The following SYNE2 variants were observed in gnomAD, a reference collection of about 807,000 sequenced individuals.
SYNE2 encodes the protein nesprin-2.
In SYNE2, 431 loss-of-function variants were observed where a neutral mutation model predicts 856.3. The observed-to-expected ratio is 0.50, with a 90% CI of 0.47 to 0.55. The LOEUF (loss-of-function observed/expected upper bound fraction) is 0.55. Ranked by LOEUF, SYNE2 falls within the 20% of genes least tolerant of loss-of-function variation. SYNE2 has a pLI of 0.00. For synonymous variants in SYNE2, 2,923 were observed against 2,872.3 expected (o/e 1.02, Z -0.56); for missense variants, 8,129 against 8,023.2 (o/e 1.01, Z -0.50).
chr14:64,074,261 C>G, intron 53 of SYNE2, 125 bp downstream of exon 53: 1 of 936,684 alleles, frequency 1.1e-6, no homozygotes, highest in Non-Finnish European at 1.7e-6. Flanking sequence ...GAGAGAGAGG[C>G]ATAGGCAAAG....
intron 99 of SYNE2, among the ~76,000 whole-genome samples, chr14:64,199,470 C>T (rs1489779874): frequency 1.3e-5 from 2 of 152,110 alleles, no homozygotes; most frequent in African/African-American, 4.8e-5. Flanking sequence ...GTAATCCTAG[C>T]GCTTTGGGAG....
intron 1 of SYNE2, among the ~76,000 whole-genome samples, chr14:63,879,713 A>G (rs1184534706): frequency 6.6e-6 from 1 of 152,254 alleles, no homozygotes; most frequent in African/African-American, 2.4e-5. Flanking sequence ...TAAATAAGCA[A>G]CAGAGGACAA....
intron 1 of SYNE2, among the ~76,000 whole-genome samples, chr14:63,830,027 A>T (rs550492164): frequency 6.6e-6 from 1 of 152,174 alleles, no homozygotes; most frequent in African/African-American, 2.4e-5. Flanking sequence ...TCTATACGGG[A>T]TATTATTTGG....
chr14:64,172,999 CTA>C (rs1209578563), intron 94 of SYNE2, among the ~76,000 whole-genome samples: 6 of 151,892 alleles, frequency 4.0e-5, no homozygotes, highest in African/African-American at 1.5e-4. Flanking sequence ...TTGAAAGAGC[CTA>C]TTTGGGTGTG....
At chr14:63,841,832 C>CTTTTTTTTTTTTTTTTTTTTTTTTTTT (rs34947861) in intron 1 of SYNE2, among the ~76,000 whole-genome samples, 16 of 115,048 alleles carry the variant, frequency 1.4e-4, no homozygotes, top group Admixed American at 2.1e-4. Flanking sequence ...TTCTTTCTTT[C>CTTTTTTTTTTTTTTTTTTTTTTTTTTT]TTTTTTTTTT....
At chr14:63,962,940 AG>A (rs1477292641) in intron 9 of SYNE2, among the ~76,000 whole-genome samples, 1 of 152,244 alleles carries the variant, frequency 6.6e-6, no homozygotes, top group Non-Finnish European at 1.5e-5. Context: ...AAAATTGCTG[AG>A]CTGAAAAGAA....
chr14:63,966,580 A>T (rs2096396026), intron 10 of SYNE2, among the ~76,000 whole-genome samples: 1 of 150,212 alleles, frequency 6.7e-6, no homozygotes, highest in Non-Finnish European at 1.5e-5. Flanking sequence ...CCCCCCCGAG[A>T]CAGGATCTCT....
chr14:63,766,959 T>C (rs959463042), intron 1 of SYNE2, among the ~76,000 whole-genome samples: 2 of 151,982 alleles, frequency 1.3e-5, no homozygotes, highest in African/African-American at 4.8e-5. Context: ...GAGTCCATGA[T>C]TAGAAAGTTA....
In SYNE2 at chr14:64,099,354, G is replaced by C. The variant is rs544845515; in HGVS notation, c.12381+533G>C. The C allele has an allele frequency of 1.9e-3, 314 of 168,312 alleles. 3 individuals are homozygous for C. The highest frequency in any genetic ancestry group is 7.1e-3 in the African/African-American group (297 of 41,620). The allele number at this position is 168,312 out of a possible 1,614,324, so 10.4% of individuals were successfully genotyped here. On this transcript the variant is annotated intron_variant, in intron 63 of 115. Transcript: ENST00000555002. ...GTTGCAATGGGTCTTAAGACAAAAG[G>C]AAGAAAATTGAAGCAACTTACAATT...
chr14:63,915,413 T>G (rs2153366371), intron 2 of SYNE2, among the ~76,000 whole-genome samples: 1 of 152,352 alleles, frequency 6.6e-6, no homozygotes, highest in South Asian at 2.1e-4. Flanking sequence ...ATAAAGGACA[T>G]ATGAATTTCT....
intron 64 of SYNE2, among the ~76,000 whole-genome samples, chr14:64,102,799 AG>A (rs1458277482): frequency 6.6e-6 from 1 of 151,958 alleles, no homozygotes; most frequent in Non-Finnish European, 1.5e-5. Flanking sequence ...ACATCTCCCC[AG>A]GCCCTCTCTC....
chr14:64,219,482 A>T (rs952305068), intron 110 of SYNE2, 72 bp downstream of exon 110: 3 of 1,496,708 alleles, frequency 2.0e-6, no homozygotes, highest in Non-Finnish European at 2.8e-6. Flanking sequence ...CTGGACGAGC[A>T]GATCCCATGT....
intron 1 of SYNE2, among the ~76,000 whole-genome samples, chr14:63,785,005 T>C (rs1887463032): frequency 6.6e-6 from 1 of 152,116 alleles, no homozygotes; most frequent in African/African-American, 2.4e-5. Context: ...ACAAGCTCTT[T>C]GTGTTAAGTT....
intron 31 of SYNE2, 120 bp from the exon 32 acceptor site, chr14:64,009,846 C>T (rs1234426234): frequency 1.2e-5 from 10 of 842,726 alleles, no homozygotes; most frequent in Admixed American, 2.4e-5. Context: ...GTATTAAGAA[C>T]CACATCAAGA....
chr14:64,008,879 G>A (rs950217414), intron 31 of SYNE2, among the ~76,000 whole-genome samples: 1 of 152,298 alleles, frequency 6.6e-6, no homozygotes, highest in Non-Finnish European at 1.5e-5. Context: ...CCTAGAGGCT[G>A]AGTGGCATGA....
chr14:63,870,184 G>A (rs1296400452), intron 1 of SYNE2, among the ~76,000 whole-genome samples: 1 of 152,078 alleles, frequency 6.6e-6, no homozygotes, highest in East Asian at 1.9e-4. Context: ...ACCACACCCT[G>A]CCATTAACCC....
intron 108 of SYNE2, 34 bp downstream of exon 108, chr14:64,216,421 G>A: frequency 4.4e-6 from 7 of 1,606,506 alleles, no homozygotes; most frequent in Non-Finnish European, 6.0e-6. Context: ...TACAGCCTAT[G>A]TCTGTGAGTC....
intron 1 of SYNE2, among the ~76,000 whole-genome samples, chr14:63,783,130 G>A (rs1319457022): frequency 1.3e-5 from 2 of 152,114 alleles, no homozygotes; most frequent in Non-Finnish European, 2.9e-5. Context: ...CCGGGTGGAG[G>A]TAATTGAATC....
chr14:63,909,123 T>G lies in SYNE2; in HGVS notation c.-26T>G. On this transcript the variant is annotated 5_prime_UTR_variant, in exon 2 of 116. An upstream start codon of the reference 5' UTR is lost. Coordinates refer to ENST00000555002, the MANE Select transcript of SYNE2 (RefSeq NM_182914.3). ...TTCACTTCTTCAACTGAGATGGACA[T>G]GATATAATCTCCATTGAGTCAAAGA... 1 of 1,509,742 alleles carries G rather than the reference T, an allele frequency of 6.6e-7. No homozygotes were observed. The highest frequency in any genetic ancestry group is 9.2e-7 in the Non-Finnish European group (1 of 1,084,994). The allele number at this position is 1,509,742 out of a possible 1,614,324, so 93.5% of individuals were successfully genotyped here.
Sources: gnomAD v4.1 joint callset for allele counts (sites outside exome capture counted in the v4.1 genomes callset) on GRCh38, gnomAD v4.1.1 for gene constraint, MANE v1.5 for transcripts, NCBI Gene and HGNC (gene_info 2026-07-23, HGNC 2026-07-21) for gene names.